The following ANKRD36B variants were observed in gnomAD, a reference collection of about 807,000 sequenced individuals.
ANKRD36B encodes the protein ankyrin repeat domain-containing protein 36B.
A neutral mutation model predicts 135.7 loss-of-function variants in ANKRD36B; 37 were observed. The ratio of observed to expected loss-of-function variants is 0.27; its 90% CI spans 0.21 to 0.36. The LOEUF is 0.36. Among genes scored for constraint, ANKRD36B ranks in the 10% least tolerant of loss-of-function variants. ANKRD36B has a pLI of 1.00. For synonymous variants in ANKRD36B, 179 were observed against 348.1 expected, an observed-to-expected ratio of 0.51 and a Z score of 5.41; for missense variants, 549 against 1,037.1, an observed-to-expected ratio of 0.53 and a Z score of 6.46.
At position 97,547,576 on chromosome 2, in the gene ANKRD36B, A is replaced by G. The variant is rs1480450130; in HGVS notation, c.1539T>C (p.Asn513=). 4.5e-6 allele frequency: 7 copies of G among 1,562,772 alleles called. No homozygotes were observed. In the Admixed American group the frequency reaches 5.3e-5, roughly 12 times the overall value. ...ATRDEKDSLL[N]IARGKKDGEK... is the part of the protein sequence containing the mutation. ...CTCCATCTTTTTTTCCTCTGGCTAT[A>G]TTCAAAAGAGAATCTTTCTCGTCTC... Residue 513 remains asparagine (N), a synonymous_variant, in exon 22 of 44, where the codon AAT becomes AAC. Coordinates refer to ENST00000359901, the MANE Select transcript of ANKRD36B (RefSeq NM_001393939.1).
chr2:97,581,972 C>G (rs1402675631), intron 3 of ANKRD36B, among the ~76,000 whole-genome samples: 3 of 150,396 alleles, frequency 2.0e-5, no homozygotes, highest in Non-Finnish European at 4.4e-5. Flanking sequence ...CCACACCCAG[C>G]TAATTTTTTG....
chr2:97,545,172 ACTT>A (rs1371203060), intron 24 of ANKRD36B, among the ~76,000 whole-genome samples: 1 of 95,226 alleles, frequency 1.1e-5, no homozygotes, highest in African/African-American at 3.1e-5. Context: ...TACATAAATA[ACTT>A]CTTCTTTTCT....
intron 5 of ANKRD36B, among the ~76,000 whole-genome samples, chr2:97,577,143 A>G (rs1376773538): frequency 6.6e-6 from 1 of 150,584 alleles, no homozygotes; most frequent in African/African-American, 2.4e-5. Flanking sequence ...ATCAATTCCA[A>G]GGGCAGAAAA....
intron 6 of ANKRD36B, among the ~76,000 whole-genome samples, chr2:97,570,790 T>G (rs1205754460): frequency 6.6e-6 from 1 of 152,138 alleles, no homozygotes; most frequent in African/African-American, 2.4e-5. Flanking sequence ...AAGCCCAGAG[T>G]AGGACTGTTT....
intron 7 of ANKRD36B, 37 bp downstream of exon 7, chr2:97,560,795 A>G (rs753620047): frequency 3.2e-6 from 5 of 1,585,952 alleles, no homozygotes; most frequent in Admixed American, 1.7e-5. Context: ...TAGACTATAC[A>G]GTTAATAGTT....
rs1375157884 is a variant in ANKRD36B, at chr2:97,527,896, C to T, written c.2265+4415G>A. ...CACCCAATACAGGAGCACCCAGATTCATAAGGCAAGTCCTGAGTGACCTAC... is the reference window on the plus strand; with the variant it reads ...CACCCAATACAGGAGCACCCAGATTTATAAGGCAAGTCCTGAGTGACCTAC... On this transcript the variant is annotated intron_variant, in intron 35 of 43. Transcript: ENST00000359901. 8.3e-5 allele frequency among the ~76,000 whole-genome samples: 8 copies of T among 96,096 alleles called. 4 individuals carry two copies. The highest frequency in any genetic ancestry group is 7.4e-4 in the Admixed American group (8 of 10,868). 63.0% of individuals were successfully genotyped at this position (96,096 alleles called of 152,430 possible). A position where few individuals can be genotyped will look rare whatever the true frequency, so the allele number is the denominator to read the frequency against.
At chr2:97,558,521 T>C (rs11678517) in intron 10 of ANKRD36B, among the ~76,000 whole-genome samples, 70,958 of 141,792 alleles carry the variant, frequency 0.5, 16,568 homozygotes, top group Non-Finnish European at 0.6. Context: ...AAACATGCTG[T>C]AGAATTAATG....
chr2:97,569,642 A>C (rs1032461930), intron 6 of ANKRD36B, among the ~76,000 whole-genome samples: 22 of 148,194 alleles, frequency 1.5e-4, no homozygotes, highest in South Asian at 6.9e-4. Flanking sequence ...GGGAGCTATG[A>C]ACGTGAGGGG....
chr2:97,551,381 A>C lies in ANKRD36B; in HGVS notation c.1303-20T>G. On this transcript the variant is annotated intron_variant, in intron 17 of 43. Transcript: ENST00000359901. ...TGTGGCCTGAATGGAATTTGAAACA[A>C]AATAATAAATAAGGTATGTTTCATA... The C allele has an allele frequency of 1.9e-6, 3 of 1,602,578 alleles. No homozygotes were observed. In the South Asian group the frequency reaches 3.3e-5, roughly 18 times the overall value.
At chr2:97,572,542 C>T (rs986705741) in intron 6 of ANKRD36B, among the ~76,000 whole-genome samples, 16 of 144,742 alleles carry the variant, frequency 1.1e-4, no homozygotes, top group African/African-American at 3.5e-4. Flanking sequence ...TTAAAAGAAA[C>T]TTAAAATCTT....
chr2:97,532,500 A>G lies in ANKRD36B; in HGVS notation c.2192-116T>C, dbSNP rs1188620184. ...CACTTTGGGAGGCTGAGGCGGGTGG[A>G]TCACGAGGTCAGGAGATAGAGACCA... is the stretch of plus-strand genomic sequence containing the variant. On this transcript the variant is annotated intron_variant, in intron 34 of 43. Coordinates refer to ENST00000359901, the MANE Select transcript of ANKRD36B (RefSeq NM_001393939.1). 1.5e-5 allele frequency: 7 copies of G among 454,866 alleles called. 3 individuals are homozygous for G. The highest frequency in any genetic ancestry group is 1.4e-4 in the African/African-American group (6 of 42,114). 28.2% of individuals were successfully genotyped at this position (454,866 alleles called of 1,614,324 possible). A position where few individuals can be genotyped will look rare whatever the true frequency, so the allele number is the denominator to read the frequency against.
intron 14 of ANKRD36B, among the ~76,000 whole-genome samples, chr2:97,554,311 A>C (rs1440580720): frequency 6.6e-6 from 1 of 151,976 alleles, no homozygotes; most frequent in Non-Finnish European, 1.5e-5. Context: ...TCTTTGATGA[A>C]AGAAGCCAAT....
In ANKRD36B at chr2:97,536,574, A is replaced by G; in HGVS notation, c.2090-78T>C. On this transcript the variant is annotated intron_variant, in intron 32 of 43. Transcript: ENST00000359901. ...TACATTCGTGGAGTGTTAGCATCAA[A>G]CTGAATACTCTTGCCTGTATTAGTG... The G allele has an allele frequency of 4.9e-6, 3 of 611,092 alleles. 1 individual carries two copies. Among genetic ancestry groups the G allele is most frequent in the Non-Finnish European group, 8.5e-6 (3 of 352,088 alleles). 37.9% of individuals were successfully genotyped at this position (611,092 alleles called of 1,614,324 possible).
At chr2:97,533,851 G>A (rs2078724995) in intron 34 of ANKRD36B, among the ~76,000 whole-genome samples, 1 of 94,936 alleles carries the variant, frequency 1.1e-5, no homozygotes, top group Non-Finnish European at 2.8e-5. Flanking sequence ...AGGTCAGGAG[G>A]TCGAGACCAG....
chr2:97,544,836 T>C (rs533889756), intron 24 of ANKRD36B, among the ~76,000 whole-genome samples: 1 of 96,844 alleles, frequency 1.0e-5, no homozygotes, highest in Admixed American at 9.1e-5. Context: ...TAAAAAGTCT[T>C]TTTTGGAGTA....
Position 97,581,230 on chromosome 2 carries a change from G to A in ANKRD36B, c.451-662C>T, listed in dbSNP as rs199835886. The stretch of plus-strand genomic sequence containing the variant: ...AAATGAGAGTTTCAGGGATACAGTT[G>A]TGAGAGCTTACCAGTAAAGGTAGAG... On this transcript the variant is annotated intron_variant, in intron 3 of 43. Coordinates refer to ENST00000359901, the MANE Select transcript of ANKRD36B (RefSeq NM_001393939.1). 1.2e-3 allele frequency among the ~76,000 whole-genome samples: 183 copies of A among 150,600 alleles called. No individual in the cohort carries two copies. In the East Asian group the frequency reaches 0.022, roughly 18 times the overall value.
chr2:97,556,792 C>T, intron 12 of ANKRD36B, 145 bp downstream of exon 12: 1 of 1,327,064 alleles, frequency 7.5e-7, no homozygotes, highest in South Asian at 1.4e-5. Context: ...ATCAGCACCA[C>T]CTGACAACTT....
intron 34 of ANKRD36B, among the ~76,000 whole-genome samples, chr2:97,533,724 C>T (rs1285748497): frequency 1.1e-5 from 1 of 94,550 alleles, no homozygotes; most frequent in African/African-American, 3.2e-5. Flanking sequence ...CAAGAACTTT[C>T]TGAATCCACT....
At chr2:97,547,806 G>T in intron 20 of ANKRD36B, 75 bp from the exon 21 acceptor site, 1 of 1,521,276 alleles carries the variant, frequency 6.6e-7, no homozygotes, top group South Asian at 1.2e-5. Context: ...CGCAGTGTTA[G>T]CATCAACCTC....
Sources: allele counts gnomAD v4.1 joint callset (sites outside exome capture counted in the v4.1 genomes callset), GRCh38; gene constraint gnomAD v4.1.1; transcripts MANE v1.5; gene names NCBI Gene and HGNC (gene_info 2026-07-23, HGNC 2026-07-21).